STRBP: variants seen among roughly 807,000 people sequenced by gnomAD.
The protein encoded by STRBP is spermatid perinuclear RNA-binding protein.
In STRBP, 13 loss-of-function variants were observed where a neutral mutation model predicts 80.1. The observed-to-expected ratio is 0.16, with a 90% confidence interval of 0.11 to 0.26. The LOEUF is 0.26. Among genes scored for constraint, STRBP ranks in the 10% least tolerant of loss-of-function variants. STRBP has a pLI of 1.00. For synonymous variants in STRBP, 284 were observed against 291.2 expected (o/e 0.98, Z 0.25); for missense variants, 485 against 815.2 (o/e 0.59, Z 4.93).
intron 1 of STRBP, among the ~76,000 whole-genome samples, chr9:123,251,122 C>A (rs946250038): frequency 9.9e-5 from 15 of 152,064 alleles, no homozygotes; most frequent in Non-Finnish European, 1.5e-4. Context: ...AGAGAGAGAA[C>A]CTCTCTGTCT....
chr9:123,210,810 C>T (rs1377907039), intron 2 of STRBP, among the ~76,000 whole-genome samples: 4 of 141,772 alleles, frequency 2.8e-5, no homozygotes, highest in African/African-American at 1.1e-4. Context: ...GCCTGGGCAA[C>T]AGAGCAAGAA....
At chr9:123,193,159 CA>C (rs1431820936) in intron 2 of STRBP, among the ~76,000 whole-genome samples, 2 of 152,314 alleles carry the variant, frequency 1.3e-5, no homozygotes, top group East Asian at 3.9e-4. Context: ...AGCCATCCAG[CA>C]CTTTTTCAGC....
chr9:123,169,891 T>C lies in STRBP; in HGVS notation c.535+11A>G, dbSNP rs762954595. The C allele has an allele frequency of 6.1e-4, 860 of 1,415,350 alleles. No individual in the cohort carries two copies. Among genetic ancestry groups the C allele is most frequent in the African/African-American group, 7.4e-4 (50 of 67,892 alleles). The allele number at this position is 1,415,350 out of a possible 1,614,324, so 87.7% of individuals were successfully genotyped here. On this transcript the variant is annotated intron_variant, in intron 6 of 18. Transcript: ENST00000348403. ...ATATATACATATATATATATATATA[T>C]ACATGTGTACCTCCATCCTTCTTCT...
chr9:123,249,073 G>A (rs1219751657), intron 1 of STRBP, among the ~76,000 whole-genome samples: 2 of 152,198 alleles, frequency 1.3e-5, no homozygotes, highest in African/African-American at 4.8e-5. Flanking sequence ...GTAATTTCCA[G>A]ATTATCTCTT....
At chr9:123,182,496 T>C (rs913217443) in intron 3 of STRBP, among the ~76,000 whole-genome samples, 1 of 152,158 alleles carries the variant, frequency 6.6e-6, no homozygotes, top group Non-Finnish European at 1.5e-5. Context: ...CTATAAGAAA[T>C]GAGCGGAATG....
chr9:123,173,010 CA>C (rs1443990998), intron 5 of STRBP, among the ~76,000 whole-genome samples: 1 of 152,062 alleles, frequency 6.6e-6, no homozygotes, highest in African/African-American at 2.4e-5. Context: ...AAGATGATCA[CA>C]GACTCCCAAT....
intron 2 of STRBP, among the ~76,000 whole-genome samples, chr9:123,194,417 A>G (rs1046940612): frequency 2.6e-5 from 4 of 151,998 alleles, no homozygotes; most frequent in African/African-American, 9.7e-5. Flanking sequence ...CCTCTCCTGT[A>G]TCATCCATTT....
At chr9:123,260,443 A>AT in intron 1 of STRBP, among the ~76,000 whole-genome samples, 1 of 152,224 alleles carries the variant, frequency 6.6e-6, no homozygotes. Context: ...TCATTTAAGC[A>AT]CAAAATAACT....
intron 2 of STRBP, among the ~76,000 whole-genome samples, chr9:123,214,828 A>C (rs2039839070): frequency 6.6e-6 from 1 of 152,232 alleles, no homozygotes; most frequent in Non-Finnish European, 1.5e-5. Flanking sequence ...GCACGTGTTT[A>C]TATGTGTGTG....
chr9:123,124,379 T>C lies in STRBP; in HGVS notation c.*1218A>G. 4 of 985,418 alleles carry C rather than the reference T, an allele frequency of 4.1e-6. No individual in the cohort carries two copies. The highest frequency in any genetic ancestry group is 4.8e-6 in the Non-Finnish European group (4 of 829,930). 61.0% of individuals were successfully genotyped at this position (985,418 alleles called of 1,614,324 possible). ...TTTCCAAACAAGGTGAGAATGCAAG[T>C]GGAGGACTTAGGTCTGCACCCTTTA... On this transcript the variant is annotated 3_prime_UTR_variant, in exon 19 of 19. Coordinates refer to ENST00000348403, the MANE Select transcript of STRBP (RefSeq NM_018387.5).
At chr9:123,207,309 A>G (rs2132524124) in intron 2 of STRBP, among the ~76,000 whole-genome samples, 1 of 152,228 alleles carries the variant, frequency 6.6e-6, no homozygotes, top group East Asian at 1.9e-4. Flanking sequence ...ACAAGAGAAT[A>G]AAGATATACA....
chr9:123,228,861 A>C (rs556337637), intron 2 of STRBP, among the ~76,000 whole-genome samples: 1 of 152,330 alleles, frequency 6.6e-6, no homozygotes, highest in East Asian at 1.9e-4. Flanking sequence ...AATTGAAAAG[A>C]TACATCCACA....
chr9:123,208,978 A>G (rs2132528216), intron 2 of STRBP, among the ~76,000 whole-genome samples: 1 of 152,290 alleles, frequency 6.6e-6, no homozygotes, highest in South Asian at 2.1e-4. Flanking sequence ...GTTAGGTGAC[A>G]TGCTCTGCTT....
chr9:123,158,279 ATTAAG>A (rs2037375183), intron 10 of STRBP, 48 bp downstream of exon 10: 1 of 1,589,868 alleles, frequency 6.3e-7, no homozygotes, highest in Non-Finnish European at 8.6e-7. Flanking sequence ...AATTGAGAAA[ATTAAG>A]TTATGTTATT....
chr9:123,184,786 AT>A (rs1453504991), intron 2 of STRBP, among the ~76,000 whole-genome samples: 1 of 151,998 alleles, frequency 6.6e-6, no homozygotes, highest in Non-Finnish European at 1.5e-5. Context: ...TTGTTCTTTA[AT>A]TTTTTTCAGC....
intron 5 of STRBP, 51 bp downstream of exon 5, chr9:123,173,626 T>C: frequency 1.3e-6 from 2 of 1,551,808 alleles, no homozygotes; most frequent in Non-Finnish European, 1.7e-6. Flanking sequence ...AGTCACTACC[T>C]ATTTCACCTT....
intron 2 of STRBP, among the ~76,000 whole-genome samples, chr9:123,204,460 G>C (rs760323786): frequency 6.6e-6 from 1 of 152,066 alleles, no homozygotes; most frequent in East Asian, 1.9e-4. Context: ...TTTAAACCAC[G>C]ATCAAACATG....
chr9:123,206,436 A>G (rs1336723485), intron 2 of STRBP, among the ~76,000 whole-genome samples: 1 of 152,154 alleles, frequency 6.6e-6, no homozygotes, highest in Non-Finnish European at 1.5e-5. Context: ...ATACCAAACT[A>G]CTTACAGATG....
chr9:123,215,553 G>A (rs1361934228), intron 2 of STRBP, among the ~76,000 whole-genome samples: 1 of 152,150 alleles, frequency 6.6e-6, no homozygotes, highest in Non-Finnish European at 1.5e-5. Flanking sequence ...CAAAAATTTG[G>A]GAGGCCAAAT....
Sources: allele counts gnomAD v4.1 joint callset (sites outside exome capture counted in the v4.1 genomes callset), GRCh38; gene constraint gnomAD v4.1.1; transcripts MANE v1.5; gene names NCBI Gene and HGNC (gene_info 2026-07-23, HGNC 2026-07-21).